VPS13B: variants seen among roughly 807,000 people sequenced by gnomAD.
The protein encoded by VPS13B is vacuolar protein sorting 13 homolog B.
In VPS13B, 285 loss-of-function variants were observed where a neutral mutation model predicts 426.4. The ratio of observed to expected loss-of-function variants is 0.67; its 90% confidence interval spans 0.61 to 0.74. The LOEUF (loss-of-function observed/expected upper bound fraction) is 0.74. VPS13B is among the 30% of genes least tolerant of loss of function. VPS13B has a pLI of 0.00. For missense variants in VPS13B, 4,537 were observed against 4,782.6 expected (o/e 0.95, Z 1.51); for synonymous variants, 1,676 against 1,676.4 (o/e 1.00, Z 0.01).
chr8:99,530,818 T>C (rs1039524375), intron 30 of VPS13B, among the ~76,000 whole-genome samples: 1 of 152,116 alleles, frequency 6.6e-6, no homozygotes, highest in African/African-American at 2.4e-5. Flanking sequence ...TCTGTAGACA[T>C]TCAGTAGCTT....
chr8:99,746,148 A>G (rs974787824), intron 39 of VPS13B, among the ~76,000 whole-genome samples: 2 of 152,118 alleles, frequency 1.3e-5, no homozygotes, highest in Non-Finnish European at 2.9e-5. Flanking sequence ...ATATCGTTTA[A>G]CATGTTTATC....
intron 3 of VPS13B, among the ~76,000 whole-genome samples, chr8:99,061,205 A>AT (rs951886160): frequency 4.6e-5 from 7 of 150,886 alleles, no homozygotes; most frequent in African/African-American, 1.7e-4. Flanking sequence ...TTTGATTTCT[A>AT]TTTGATTCAT....
chr8:99,099,238 A>G (rs1846599125), intron 4 of VPS13B, among the ~76,000 whole-genome samples: 1 of 152,172 alleles, frequency 6.6e-6, no homozygotes, highest in African/African-American at 2.4e-5. Context: ...TTTTGAAACA[A>G]TTTCAGCATT....
chr8:99,190,747 T>C (rs1168775826), intron 16 of VPS13B, among the ~76,000 whole-genome samples: 1 of 152,200 alleles, frequency 6.6e-6, no homozygotes, highest in Non-Finnish European at 1.5e-5. Flanking sequence ...TTTACATATG[T>C]CATAAACTCT....
At chr8:99,608,612 A>AT (rs1203105223) in intron 33 of VPS13B, among the ~76,000 whole-genome samples, 1 of 151,998 alleles carries the variant, frequency 6.6e-6, no homozygotes, top group Non-Finnish European at 1.5e-5. Context: ...CAATTTTATA[A>AT]TTTTTTTCAC....
At chr8:99,065,772 A>C (rs548321418) in intron 3 of VPS13B, among the ~76,000 whole-genome samples, 3 of 152,352 alleles carry the variant, frequency 2.0e-5, no homozygotes, top group African/African-American at 4.8e-5. Flanking sequence ...GTCTCAGCCC[A>C]AAATCTCCTT....
intron 34 of VPS13B, among the ~76,000 whole-genome samples, chr8:99,646,981 A>G (rs1432283923): frequency 6.6e-6 from 1 of 152,154 alleles, no homozygotes. Flanking sequence ...TTACTGTCTC[A>G]GGTATTCCTT....
chr8:99,855,948 C>A (rs145816439), intron 56 of VPS13B, among the ~76,000 whole-genome samples: 8 of 152,278 alleles, frequency 5.3e-5, no homozygotes, highest in Non-Finnish European at 1.0e-4. Flanking sequence ...CTTCAGGCAG[C>A]CTTTGCTTTT....
At chr8:99,521,644 C>T (rs1822384255) in intron 30 of VPS13B, among the ~76,000 whole-genome samples, 1 of 152,170 alleles carries the variant, frequency 6.6e-6, no homozygotes, top group Non-Finnish European at 1.5e-5. Flanking sequence ...CAGAAAAGTA[C>T]AGTTGCAAAT....
At chr8:99,430,757 C>T (rs1817056605) in intron 21 of VPS13B, among the ~76,000 whole-genome samples, 2 of 149,684 alleles carry the variant, frequency 1.3e-5, no homozygotes, top group South Asian at 2.2e-4. Flanking sequence ...ACTCTGTTGC[C>T]CAGGCTGTAG....
intron 30 of VPS13B, among the ~76,000 whole-genome samples, chr8:99,550,851 C>G (rs761952918): frequency 3.3e-5 from 5 of 151,886 alleles, no homozygotes; most frequent in Non-Finnish European, 7.4e-5. Context: ...TGTGAATTCT[C>G]TTCTTTAATA....
chr8:99,459,940 G>A (rs769212107), intron 23 of VPS13B, among the ~76,000 whole-genome samples: 1 of 151,938 alleles, frequency 6.6e-6, no homozygotes, highest in Non-Finnish European at 1.5e-5. Flanking sequence ...TTATGGTTGT[G>A]GTTTAATAGT....
At chr8:99,322,077 C>T (rs926688635) in intron 19 of VPS13B, among the ~76,000 whole-genome samples, 6 of 152,168 alleles carry the variant, frequency 3.9e-5, no homozygotes, top group East Asian at 3.8e-4. Flanking sequence ...CCAAAGACCA[C>T]GTGTTCCTTT....
chr8:99,819,682 C>G, intron 48 of VPS13B, 100 bp downstream of exon 48: 1 of 1,354,014 alleles, frequency 7.4e-7, no homozygotes, highest in Non-Finnish European at 1.0e-6. Flanking sequence ...GTGCATGTAT[C>G]TGTCAGATTC....
At chr8:99,535,400 G>A (rs899939859) in intron 30 of VPS13B, among the ~76,000 whole-genome samples, 7 of 152,138 alleles carry the variant, frequency 4.6e-5, no homozygotes, top group African/African-American at 1.7e-4. Context: ...TACTTATCCT[G>A]TTTGAAGAAC....
intron 19 of VPS13B, among the ~76,000 whole-genome samples, chr8:99,366,765 T>C (rs915620621): frequency 4.6e-5 from 7 of 152,246 alleles, no homozygotes; most frequent in African/African-American, 1.7e-4. Context: ...GTTGTATGTT[T>C]TTTGATTTAA....
At chr8:99,670,380 G>C (rs1278083588) in intron 35 of VPS13B, among the ~76,000 whole-genome samples, 5 of 151,970 alleles carry the variant, frequency 3.3e-5, no homozygotes, top group Non-Finnish European at 7.4e-5. Flanking sequence ...AACATTTAAG[G>C]TGTACAGTGT....
In VPS13B at chr8:99,784,352, A is replaced by G; in HGVS notation, c.7817A>G (p.His2606Arg). 1 of 1,613,722 alleles carries G rather than the reference A, an allele frequency of 6.2e-7. No individual in the cohort carries two copies. Among genetic ancestry groups the G allele is most frequent in the Non-Finnish European group, 8.5e-7 (1 of 1,179,688 alleles). ...GAGGTAGAGGAGTTGGTCTTCAGCC[A>G]TTTTGTGATCTGTAATGACACACAG... ...CPEVEELVFS[H>R]FVICNDTQET... Residue 2606 changes from histidine (H) to arginine (R), a missense_variant, in exon 43 of 62, where the codon CAT becomes CGT. Transcript: ENST00000357162.
chr8:99,440,975 A>T (rs1428389983), intron 22 of VPS13B, among the ~76,000 whole-genome samples: 1 of 152,086 alleles, frequency 6.6e-6, no homozygotes, highest in Non-Finnish European at 1.5e-5. Flanking sequence ...ATTACTAATG[A>T]ATTATGTTAA....
Sources: allele counts gnomAD v4.1 joint callset (sites outside exome capture counted in the v4.1 genomes callset), GRCh38; gene constraint gnomAD v4.1.1; transcripts MANE v1.5; gene names NCBI Gene and HGNC (gene_info 2026-07-23, HGNC 2026-07-21).